BMPER: variants seen among roughly 807,000 people sequenced by gnomAD.
BMPER encodes BMP binding endothelial regulator, also known as BMP-binding endothelial regulator protein.
Under a neutral mutation model 87.3 loss-of-function variants are expected in BMPER, and 45 were observed. That is an observed-to-expected ratio of 0.52 (90% CI 0.41 to 0.66). The LOEUF (loss-of-function observed/expected upper bound fraction) is 0.66. Among genes scored for constraint, BMPER ranks in the 30% least tolerant of loss-of-function variants. The pLI, the probability that BMPER is intolerant of heterozygous loss-of-function variation, is 0.00. For synonymous variants in BMPER, 326 were observed against 316.2 expected, an observed-to-expected ratio of 1.03 and a Z score of -0.33; for missense variants, 784 against 867.5, an observed-to-expected ratio of 0.90 and a Z score of 1.21.
At chr7:34,075,864 A>C (rs1344086543) in intron 11 of BMPER, among the ~76,000 whole-genome samples, 1 of 152,200 alleles carries the variant, frequency 6.6e-6, no homozygotes, top group Non-Finnish European at 1.5e-5. Flanking sequence ...TCTCTAGTGC[A>C]CAAGTTCACT....
At chr7:34,128,625 G>A (rs1790464506) in intron 13 of BMPER, among the ~76,000 whole-genome samples, 1 of 152,206 alleles carries the variant, frequency 6.6e-6, no homozygotes, top group South Asian at 2.1e-4. Flanking sequence ...TAACTTTTAA[G>A]TGGAACATTT....
At chr7:34,076,298 T>TA (rs1338239084) in intron 11 of BMPER, among the ~76,000 whole-genome samples, 2 of 152,142 alleles carry the variant, frequency 1.3e-5, no homozygotes, top group Non-Finnish European at 2.9e-5. Context: ...AGTTTGACTC[T>TA]AAAAAACAAA....
chr7:33,945,230 C>T (rs578176616), intron 3 of BMPER, among the ~76,000 whole-genome samples: 177 of 149,820 alleles, frequency 1.2e-3, no homozygotes, highest in Non-Finnish European at 2.1e-3. Flanking sequence ...CCTGAGCCAC[C>T]GCGCCTGGAC....
At chr7:33,978,712 T>C (rs1008674530) in intron 6 of BMPER, among the ~76,000 whole-genome samples, 2 of 152,186 alleles carry the variant, frequency 1.3e-5, no homozygotes, top group East Asian at 1.9e-4. Context: ...GTTGAAGATA[T>C]CTTAAGTTAA....
At chr7:33,916,995 T>C (rs1354755920) in intron 2 of BMPER, among the ~76,000 whole-genome samples, 1 of 152,202 alleles carries the variant, frequency 6.6e-6, no homozygotes, top group Non-Finnish European at 1.5e-5. Context: ...TTGAAATGAA[T>C]GTAATCACAT....
chr7:34,082,562 C>T (rs1789081887), intron 12 of BMPER, among the ~76,000 whole-genome samples: 1 of 152,070 alleles, frequency 6.6e-6, no homozygotes, highest in African/African-American at 2.4e-5. Context: ...GAGTGAATTA[C>T]AAATTATTCT....
At chr7:33,990,265 A>G (rs62449722) in intron 6 of BMPER, among the ~76,000 whole-genome samples, 20,534 of 131,546 alleles carry the variant, frequency 0.16, 2,135 homozygotes, top group Middle Eastern at 0.25. Flanking sequence ...ATGTTCTTCC[A>G]TTTGTTGTAT....
chr7:34,085,380 C>G (rs1052508000), intron 12 of BMPER, among the ~76,000 whole-genome samples: 8 of 151,784 alleles, frequency 5.3e-5, no homozygotes, highest in Admixed American at 1.3e-4. Context: ...TCCATTTGCA[C>G]ATTGTAGTAG....
At chr7:33,997,735 G>T (rs892959269) in intron 6 of BMPER, among the ~76,000 whole-genome samples, 1 of 152,100 alleles carries the variant, frequency 6.6e-6, no homozygotes, top group Non-Finnish European at 1.5e-5. Context: ...TGTCAGACAC[G>T]TTCTCACCTC....
intron 6 of BMPER, among the ~76,000 whole-genome samples, chr7:33,981,110 G>T (rs1223336599): frequency 6.6e-6 from 1 of 152,064 alleles, no homozygotes; most frequent in Non-Finnish European, 1.5e-5. Flanking sequence ...GGCCACTCTG[G>T]CCTTCAGACA....
intron 13 of BMPER, among the ~76,000 whole-genome samples, chr7:34,122,660 G>T (rs28527223): frequency 1.6e-3 from 244 of 152,316 alleles, no homozygotes; most frequent in African/African-American, 5.5e-3. Flanking sequence ...TCTGCTCTTT[G>T]CTCCTTGAGA....
chr7:33,911,019 T>C (rs1783947878), intron 2 of BMPER, among the ~76,000 whole-genome samples: 1 of 152,212 alleles, frequency 6.6e-6, no homozygotes, highest in South Asian at 2.1e-4. Context: ...AGAGAGAAGA[T>C]ATAAAGTAGA....
chr7:34,078,195 C>T (rs1788914626), intron 11 of BMPER, among the ~76,000 whole-genome samples: 1 of 152,114 alleles, frequency 6.6e-6, no homozygotes, highest in Non-Finnish European at 1.5e-5. Flanking sequence ...TATTTCGTAA[C>T]TTATTTTTCA....
intron 6 of BMPER, among the ~76,000 whole-genome samples, chr7:34,022,567 C>T (rs1436264888): frequency 6.6e-6 from 1 of 151,846 alleles, no homozygotes; most frequent in African/African-American, 2.4e-5. Flanking sequence ...CTACAGGACA[C>T]ATAATGAACC....
At chr7:34,118,112 G>A (rs562096958) in intron 13 of BMPER, among the ~76,000 whole-genome samples, 11 of 152,034 alleles carry the variant, frequency 7.2e-5, no homozygotes, top group Non-Finnish European at 2.9e-5. Context: ...TCAGGAGTTC[G>A]AGACCAACAT....
At chr7:33,966,383 C>A in intron 3 of BMPER, 96 bp from the exon 4 acceptor site, 1 of 1,068,838 alleles carries the variant, frequency 9.4e-7, no homozygotes, top group Non-Finnish European at 1.4e-6. Flanking sequence ...GATCGCTAAT[C>A]TGGGCTTAGA....
At chr7:33,996,209 A>G (rs914416393) in intron 6 of BMPER, among the ~76,000 whole-genome samples, 1 of 152,168 alleles carries the variant, frequency 6.6e-6, no homozygotes, top group East Asian at 1.9e-4. Flanking sequence ...AGCCCCAGAG[A>G]GTCCCACCCC....
chr7:34,028,601 G>GTTTTTT, intron 6 of BMPER, among the ~76,000 whole-genome samples: 404 of 36,046 alleles, frequency 0.011, 52 homozygotes, highest in Admixed American at 0.012. Flanking sequence ...CATTTTTTCT[G>GTTTTTT]TTTTTTTTTT....
At chr7:34,011,659 AAATTCTTTTG>A (rs763221389) in intron 6 of BMPER, among the ~76,000 whole-genome samples, 1 of 151,588 alleles carries the variant, frequency 6.6e-6, no homozygotes, top group Non-Finnish European at 1.5e-5. Flanking sequence ...CTGTACCTTG[AAATTCTTTTG>A]AATTCTTTTG....
Sources: gnomAD v4.1 joint callset for allele counts (sites outside exome capture counted in the v4.1 genomes callset) on GRCh38, gnomAD v4.1.1 for gene constraint, MANE v1.5 for transcripts, NCBI Gene and HGNC (gene_info 2026-07-23, HGNC 2026-07-21) for gene names.